KCNT2: variants seen among roughly 807,000 people sequenced by gnomAD.
KCNT2 encodes potassium channel subfamily T member 2.
Under a neutral mutation model 153.8 loss-of-function variants are expected in KCNT2, and 67 were observed. The ratio of observed to expected loss-of-function variants is 0.44; its 90% CI spans 0.36 to 0.53. The LOEUF is 0.53. Among genes scored for constraint, KCNT2 ranks in the 20% least tolerant of loss-of-function variants. The probability of loss-of-function intolerance (pLI) is 0.00; values close to 1 mark genes in which losing one functional copy is unlikely to be tolerated. For synonymous variants in KCNT2, 500 were observed against 458.8 expected (o/e 1.09, Z -1.15); for missense variants, 975 against 1,354.8 (o/e 0.72, Z 4.40).
chr1:196,408,016 T>A (rs1029379571), intron 12 of KCNT2, among the ~76,000 whole-genome samples: 1 of 151,392 alleles, frequency 6.6e-6, no homozygotes, highest in African/African-American at 2.4e-5. Context: ...TTTTCCATTA[T>A]AAATTCTTTC....
At chr1:196,510,289 G>C (rs911000325) in intron 1 of KCNT2, among the ~76,000 whole-genome samples, 1 of 151,978 alleles carries the variant, frequency 6.6e-6, no homozygotes, top group African/African-American at 2.4e-5. Context: ...TAAACCCTGG[G>C]CACTATGCAG....
chr1:196,415,939 C>T (rs1041060537), intron 12 of KCNT2, among the ~76,000 whole-genome samples: 19 of 151,912 alleles, frequency 1.3e-4, no homozygotes, highest in African/African-American at 3.6e-4. Context: ...GTTTTGCCTT[C>T]CCACAGTTTC....
At chr1:196,260,239 TA>T (rs1187611753) in intron 25 of KCNT2, among the ~76,000 whole-genome samples, 1 of 151,898 alleles carries the variant, frequency 6.6e-6, no homozygotes, top group Non-Finnish European at 1.5e-5. Context: ...ACATTAAAGA[TA>T]CTATGTTCAT....
chr1:196,233,013 C>G (rs1654092929), intron 27 of KCNT2, among the ~76,000 whole-genome samples: 1 of 151,038 alleles, frequency 6.6e-6, no homozygotes, highest in African/African-American at 2.4e-5. Flanking sequence ...TAAAAATTAT[C>G]TATACTTATG....
intron 1 of KCNT2, among the ~76,000 whole-genome samples, chr1:196,531,208 C>T (rs978323206): frequency 6.6e-5 from 10 of 152,084 alleles, no homozygotes; most frequent in Non-Finnish European, 1.2e-4. Flanking sequence ...CTCAACTGAG[C>T]TAGACCCATC....
At chr1:196,260,829 G>A (rs1283370504) in intron 25 of KCNT2, among the ~76,000 whole-genome samples, 1 of 151,568 alleles carries the variant, frequency 6.6e-6, no homozygotes, top group Non-Finnish European at 1.5e-5. Context: ...AAAAAAGTGA[G>A]GATAATAACA....
intron 7 of KCNT2, among the ~76,000 whole-genome samples, chr1:196,467,451 A>T (rs1375987343): frequency 6.6e-6 from 1 of 152,140 alleles, no homozygotes; most frequent in African/African-American, 2.4e-5. Flanking sequence ...ACAATGACTC[A>T]TTAAAAAAAC....
chr1:196,390,651 T>C (rs1301697269), intron 13 of KCNT2, among the ~76,000 whole-genome samples: 1 of 151,178 alleles, frequency 6.6e-6, no homozygotes, highest in Non-Finnish European at 1.5e-5. Flanking sequence ...GTTAAAATTT[T>C]ATGCCTTTAC....
At chr1:196,511,572 T>C (rs761134800) in intron 1 of KCNT2, among the ~76,000 whole-genome samples, 11 of 152,104 alleles carry the variant, frequency 7.2e-5, no homozygotes, top group Non-Finnish European at 1.6e-4. Context: ...ATAACATAGA[T>C]TCTGGGAGCT....
chr1:196,322,652 C>G (rs999334473), intron 19 of KCNT2, among the ~76,000 whole-genome samples: 15 of 151,828 alleles, frequency 9.9e-5, no homozygotes, highest in African/African-American at 3.6e-4. Flanking sequence ...AAAAGGTTTG[C>G]AAATTTGTAT....
At chr1:196,370,880 G>A (rs1668467871) in intron 14 of KCNT2, among the ~76,000 whole-genome samples, 1 of 152,060 alleles carries the variant, frequency 6.6e-6, no homozygotes, top group South Asian at 2.1e-4. Flanking sequence ...AAGGAATAAA[G>A]TGCTGGTGCA....
intron 25 of KCNT2, among the ~76,000 whole-genome samples, chr1:196,269,043 G>A (rs149678084): frequency 0.01 from 1,559 of 152,198 alleles, 10 homozygotes; most frequent in Middle Eastern, 0.017. Context: ...TATAATCTGT[G>A]AAGAAATCAA....
intron 1 of KCNT2, among the ~76,000 whole-genome samples, chr1:196,548,249 C>G (rs894468557): frequency 1.1e-4 from 16 of 151,872 alleles, no homozygotes; most frequent in African/African-American, 3.4e-4. Context: ...CAAAATTTCT[C>G]TTTGAATTTA....
chr1:196,473,172 T>G (rs1678245983), intron 5 of KCNT2, among the ~76,000 whole-genome samples: 1 of 152,182 alleles, frequency 6.6e-6, no homozygotes, highest in South Asian at 2.1e-4. Flanking sequence ...CTTTGCCAAG[T>G]TAACTCATAC....
chr1:196,537,722 G>A (rs1483833109), intron 1 of KCNT2, among the ~76,000 whole-genome samples: 1 of 152,188 alleles, frequency 6.6e-6, no homozygotes, highest in Non-Finnish European at 1.5e-5. Context: ...CTGCTCCGGA[G>A]ACAACTGTCT....
Position 196,586,722 on chromosome 1 carries a change from A to C in KCNT2, c.95+21493T>G, listed in dbSNP as rs548384981. ...ACATTAAAATCAAGAGGATTAAAAA[A>C]AACAACAACAACAACTGTAAGTAGT... On this transcript the variant is annotated intron_variant, in intron 1 of 27. Transcript: ENST00000294725. Among the ~76,000 whole-genome samples, 9 of 143,694 alleles carry C rather than the reference A, an allele frequency of 6.3e-5. No individual in the cohort carries two copies. In the South Asian group the frequency reaches 8.4e-4, roughly 13 times the overall value. The allele number at this position is 143,694 out of a possible 152,430, so 94.3% of individuals were successfully genotyped here. A position where few individuals can be genotyped will look rare whatever the true frequency, so the allele number is the denominator to read the frequency against.
At chr1:196,416,307 A>G (rs1045294045) in intron 12 of KCNT2, among the ~76,000 whole-genome samples, 3 of 152,106 alleles carry the variant, frequency 2.0e-5, no homozygotes, top group African/African-American at 7.2e-5. Context: ...TGAAAAGATG[A>G]AAGTTCTCAA....
At chr1:196,288,141 T>TAAATAATA (rs1553272518) in intron 22 of KCNT2, among the ~76,000 whole-genome samples, 91 of 150,080 alleles carry the variant, frequency 6.1e-4, no homozygotes, top group African/African-American at 2.2e-3. Flanking sequence ...AATAAATAAA[T>TAAATAATA]AAAAAATAAA....
intron 12 of KCNT2, among the ~76,000 whole-genome samples, chr1:196,414,605 A>G (rs3928858): frequency 0.97 from 147,074 of 151,984 alleles, 71,361 homozygotes; most frequent in East Asian, 1. Context: ...AACTGTCTTG[A>G]TAAAATGTAA....
Sources: gnomAD v4.1 joint callset for allele counts (sites outside exome capture counted in the v4.1 genomes callset) on GRCh38, gnomAD v4.1.1 for gene constraint, MANE v1.5 for transcripts, NCBI Gene and HGNC (gene_info 2026-07-23, HGNC 2026-07-21) for gene names.